Variants in DDX3X observed in about 807,000 individuals in gnomAD.
DDX3X encodes DEAD-box helicase 3 X-linked.
Under a neutral mutation model 52.7 loss-of-function variants are expected in DDX3X, and 4 were observed. That is an observed-to-expected ratio of 0.08 (90% CI 0.04 to 0.17). The LOEUF is 0.17. Among genes scored for constraint, DDX3X ranks in the 10% least tolerant of loss-of-function variants. The probability of loss-of-function intolerance (pLI) is 1.00; values close to 1 mark genes in which losing one functional copy is unlikely to be tolerated. For missense variants in DDX3X, 222 were observed against 548.6 expected (o/e 0.40, Z 5.95); for synonymous variants, 192 against 178.1 (o/e 1.08, Z -0.62).
chrX:41,337,506 T>C (rs957133721), intron 2 of DDX3X, 41 bp downstream of exon 2: 2 of 1,074,229 alleles, frequency 1.9e-6, no homozygotes, highest in Non-Finnish European at 2.6e-6. Flanking sequence ...TATTAGAGCT[T>C]AACATCTTAA....
At chrX:41,338,895 C>A in intron 2 of DDX3X, 141 bp from the exon 3 acceptor site, 1 of 212,499 alleles carries the variant, frequency 4.7e-6, no homozygotes. Flanking sequence ...CTTATTTTTC[C>A]CCCCTCTCAG....
At chrX:41,362,083 CTTTT>C (rs1176759189) in intron 5 of DDX3X, among the ~76,000 whole-genome samples, 2 of 72,732 alleles carry the variant, frequency 2.7e-5, no homozygotes, top group Non-Finnish European at 2.4e-5. Flanking sequence ...AAATAATTAA[CTTTT>C]TTTTTTTTTT....
rs774166436 is a variant in DDX3X, at chrX:41,345,383, TAA to T, written c.1171-17_1171-16del. On this transcript the variant is annotated intron_variant, in intron 11 of 16. Transcript: ENST00000644876. The stretch of plus-strand genomic sequence containing the variant: ...GAAATTTGTTTATCTCAGGTAATAA[TAA>T]AAATTTTTTTTCTTTCAGATGCTGG... 7.5e-6 allele frequency: 9 copies of T among 1,195,326 alleles called. No homozygotes were observed. Among genetic ancestry groups the T allele is most frequent in the African/African-American group, 1.8e-5 (1 of 56,064 alleles).
intron 5 of DDX3X, among the ~76,000 whole-genome samples, chrX:41,359,792 C>G (rs936267702): frequency 2.9e-5 from 3 of 105,218 alleles, no homozygotes; most frequent in East Asian, 6.4e-4. Flanking sequence ...AACCCTGTCT[C>G]TACTAAAAAT....
chrX:41,348,320 G>C lies in DDX3X; in HGVS notation c.*601G>C, dbSNP rs1468053596. ...TTTCTAATGTGGCAAACTGTATTAA[G>C]TTAAAGTTCTGATTTGCTCACTCTA... On this transcript the variant is annotated 3_prime_UTR_variant, in exon 17 of 17. Coordinates refer to ENST00000644876, the MANE Select transcript of DDX3X (RefSeq NM_001356.5). 8.5e-6 allele frequency: 1 copy of C among 117,242 alleles called. No homozygotes were observed. The highest frequency in any genetic ancestry group is 1.8e-5 in the Non-Finnish European group (1 of 56,488). The allele number at this position is 117,242 out of a possible 1,213,427, so 9.7% of individuals were successfully genotyped here. A position where few individuals can be genotyped will look rare whatever the true frequency, so the allele number is the denominator to read the frequency against.
At chrX:41,350,912 T>A (rs1249261896), downstream of DDX3X, 2 of 112,163 alleles carry the variant, frequency 1.8e-5, no homozygotes, top group Non-Finnish European at 3.8e-5. Context: ...TTTGTTTCAG[T>A]AAGTTGAAGG....
chrX:41,337,000 T>C (rs888304736), intron 1 of DDX3X, among the ~76,000 whole-genome samples: 1 of 112,421 alleles, frequency 8.9e-6, no homozygotes, highest in African/African-American at 3.2e-5. Flanking sequence ...TTGGAAACTT[T>C]CATAACCGGC....
At chrX:41,356,522 G>T (rs1392237498) in intron 5 of DDX3X, among the ~76,000 whole-genome samples, 1 of 96,597 alleles carries the variant, frequency 1.0e-5, no homozygotes, top group African/African-American at 4.0e-5. Context: ...GCAGTGGTAC[G>T]ATCTCGGCTC....
At chrX:41,355,645 CTTT>C in intron 5 of DDX3X, among the ~76,000 whole-genome samples, 1 of 85,808 alleles carries the variant, frequency 1.2e-5, no homozygotes, top group Admixed American at 1.4e-4. Context: ...TTTTCTTTTT[CTTT>C]TTTTTTTTTT....
At chrX:41,338,309 T>TGACAAA (rs2063799898) in intron 2 of DDX3X, 1 of 111,777 alleles carries the variant, frequency 8.9e-6, no homozygotes, top group Non-Finnish European at 1.9e-5. Context: ...GGTGTTTGCT[T>TGACAAA]TAACTTTCAC....
chrX:41,334,640 G>T, intron 1 of DDX3X: 1 of 1,069,316 alleles, frequency 9.4e-7, no homozygotes, highest in Non-Finnish European at 1.2e-6. Flanking sequence ...TTGCGGGAGT[G>T]CGCAGCGCGG....
At position 41,346,856 on chromosome X, in the gene DDX3X, T is replaced by C. The variant is rs376431626; in HGVS notation, c.1616-3T>C. ...TTATATACTTTTTTGGGAACTCTTT[T>C]AGGCCTGGCAACCTCATTCTTTAAC... On this transcript the variant is annotated splice_region_variant and splice_polypyrimidine_tract_variant and intron_variant, in intron 14 of 16. Coordinates refer to ENST00000644876, the MANE Select transcript of DDX3X (RefSeq NM_001356.5). 5.6e-5 allele frequency: 68 copies of C among 1,203,633 alleles called. No individual in the cohort carries two copies. The African/African-American group carries it at 1.1e-3, about 20-fold the overall frequency.
chrX:41,342,443 A>C, intron 4 of DDX3X, 52 bp from the exon 5 acceptor site: 1 of 1,184,183 alleles, frequency 8.4e-7, no homozygotes, highest in Non-Finnish European at 1.1e-6. Context: ...AGGGATAAGA[A>C]TCTGATAATG....
intron 10 of DDX3X, chrX:41,344,605 T>C (rs2063898153): frequency 2.3e-6 from 1 of 438,503 alleles, no homozygotes; most frequent in African/African-American, 2.5e-5. Flanking sequence ...GCTGGGCTAA[T>C]TTTTGTATTT....
chrX:41,360,947 C>T (rs1013468942), intron 5 of DDX3X, among the ~76,000 whole-genome samples: 3 of 109,425 alleles, frequency 2.7e-5, no homozygotes, highest in Non-Finnish European at 3.8e-5. Flanking sequence ...AGCACCATCA[C>T]GGCTCACTGT....
Position 41,334,180 on chromosome X carries a change from TGA to T in DDX3X, c.-69_-68del. Reference sequence around the variant, plus strand: ...GCGCTCCAGAGCCGCAGTTCTCCCGTGAGAGGGCCTTCGCGGTGGAACAAACA... The same window carrying T: ...GCGCTCCAGAGCCGCAGTTCTCCCGTGAGGGCCTTCGCGGTGGAACAAACA... On this transcript the variant is annotated 5_prime_UTR_variant, in exon 1 of 17. Coordinates refer to ENST00000644876, the MANE Select transcript of DDX3X (RefSeq NM_001356.5). The T allele has an allele frequency of 7.5e-6, 8 of 1,073,137 alleles. No individual in the cohort carries two copies. Among genetic ancestry groups the T allele is most frequent in the Non-Finnish European group, 1.0e-5 (8 of 780,484 alleles). 88.4% of individuals were successfully genotyped at this position (1,073,137 alleles called of 1,213,427 possible).
At chrX:41,341,047 G>C (rs758859792) in intron 3 of DDX3X, 2 of 203,662 alleles carry the variant, frequency 9.8e-6, no homozygotes, top group Non-Finnish European at 1.8e-5. Flanking sequence ...GTGCAGTGGC[G>C]CAATCTTGGC....
chrX:41,362,489 C>A (rs2064033470), intron 5 of DDX3X, among the ~76,000 whole-genome samples: 1 of 111,272 alleles, frequency 9.0e-6, no homozygotes, highest in African/African-American at 3.3e-5. Context: ...TCCTGCCAAC[C>A]TTCCCTCATC....
chrX:41,345,975 G>A, intron 12 of DDX3X: 1 of 368,200 alleles, frequency 2.7e-6, no homozygotes, highest in Non-Finnish European at 4.7e-6. Flanking sequence ...GGCTGAGGCT[G>A]TAGTATGCCA....
Sources: allele counts gnomAD v4.1 joint callset (sites outside exome capture counted in the v4.1 genomes callset), GRCh38; gene constraint gnomAD v4.1.1; transcripts MANE v1.5; gene names NCBI Gene and HGNC (gene_info 2026-07-23, HGNC 2026-07-21).